Variants in LAMA5 observed in about 807,000 individuals in gnomAD.
LAMA5 encodes laminin subunit alpha-5.
A neutral mutation model predicts 433.4 loss-of-function variants in LAMA5; 260 were observed. The ratio of observed to expected loss-of-function variants is 0.60; its 90% CI spans 0.54 to 0.66. The LOEUF (loss-of-function observed/expected upper bound fraction) is 0.66, where lower values mean the gene tolerates loss of function less well. Among genes scored for constraint, LAMA5 ranks in the 30% least tolerant of loss-of-function variants. The pLI is 0.00. For synonymous variants in LAMA5, 2,620 were observed against 2,226.6 expected, an observed-to-expected ratio of 1.18 and a Z score of -4.97; for missense variants, 5,378 against 5,258.5, an observed-to-expected ratio of 1.02 and a Z score of -0.70.
intron 18 of LAMA5, among the ~76,000 whole-genome samples, chr20:62,335,622 G>A (rs1981445026): frequency 8.5e-6 from 1 of 118,254 alleles, no homozygotes. Flanking sequence ...AATCCCCTGA[G>A]GAACTCCACA....
intron 72 of LAMA5, 32 bp from the exon 73 acceptor site, chr20:62,311,339 C>A: frequency 6.5e-7 from 1 of 1,528,504 alleles, no homozygotes; most frequent in Non-Finnish European, 8.8e-7. Flanking sequence ...GCAGGGGCCG[C>A]CCACACAGGG....
chr20:62,352,974 C>T (rs1984588774), intron 3 of LAMA5, 160 bp downstream of exon 3: 2 of 577,980 alleles, frequency 3.5e-6, no homozygotes, highest in Non-Finnish European at 6.1e-6. Flanking sequence ...GCCAATAAAT[C>T]CCCATGAGCC....
intron 32 of LAMA5, 45 bp from the exon 33 acceptor site, chr20:62,329,298 C>CAGCG (rs1568934189): frequency 6.9e-7 from 1 of 1,454,226 alleles, no homozygotes; most frequent in Admixed American, 1.8e-5. Context: ...CCAGAGCCTG[C>CAGCG]AGCGGGGAGG....
At chr20:62,345,614 C>T (rs972743386) in intron 11 of LAMA5, 15 of 660,346 alleles carry the variant, frequency 2.3e-5, no homozygotes, top group South Asian at 5.0e-5. Context: ...ACCATGTTGC[C>T]TGGGCTAACT....
chr20:62,352,332 G>A lies in LAMA5; in HGVS notation c.597C>T (p.Phe199=), dbSNP rs200278833. 44 of 1,599,468 alleles carry A rather than the reference G, an allele frequency of 2.8e-5. No individual in the cohort carries two copies. The highest frequency in any genetic ancestry group is 3.4e-5 in the Non-Finnish European group (40 of 1,179,646). Residue 199 remains phenylalanine (F), a synonymous_variant, in exon 4 of 80, where the codon TTC becomes TTT. Coordinates refer to ENST00000252999, the MANE Select transcript of LAMA5 (RefSeq NM_005560.6). ...TGATGCGCTCCAGCGTCTGTGGCCC[G>A]AACCGCTCCAGACAGTCCCTCTTGG... ...ASSKRDCLER[F]GPQTLERITR... is the part of the protein sequence containing the mutation.
At chr20:62,330,122 CACCT>C (rs1980081631) in intron 31 of LAMA5, among the ~76,000 whole-genome samples, 1 of 152,240 alleles carries the variant, frequency 6.6e-6, no homozygotes, top group Non-Finnish European at 1.5e-5. Flanking sequence ...TCATGCGGGA[CACCT>C]CTAGGTACCG....
chr20:62,354,862 A>G lies in LAMA5; in HGVS notation c.451-1611T>C, dbSNP rs116086064. On this transcript the variant is annotated intron_variant, in intron 2 of 79. Transcript: ENST00000252999. ...AGCCCCTCCCCAGCCCCTCTCAAAC[A>G]AAGGGGAAAGGGCTCTCCCAGGCAG... Among the ~76,000 whole-genome samples the G allele has an allele frequency of 1.7e-3, 254 of 152,124 alleles. 2 individuals carry two copies. The highest frequency in any genetic ancestry group is 5.8e-3 in the African/African-American group (239 of 41,524).
intron 52 of LAMA5, 62 bp from the exon 53 acceptor site, chr20:62,318,712 C>A: frequency 1.9e-6 from 3 of 1,583,610 alleles, no homozygotes; most frequent in South Asian, 1.1e-5. Flanking sequence ...GACCCCTGGT[C>A]TCCACTTGGT....
chr20:62,343,421 GC>G (rs748493896), intron 11 of LAMA5, among the ~76,000 whole-genome samples: 6 of 152,016 alleles, frequency 3.9e-5, no homozygotes, highest in African/African-American at 7.3e-5. Flanking sequence ...ACGGAAAAAA[GC>G]TCCCCCCCAA....
chr20:62,311,701 CCCTCAGGCTGCGGCTGGAGCTCGGGGGGT>C lies in LAMA5; in HGVS notation c.9690_9718del (p.Pro3231AlafsTer11). ...GCCTCCCAGGAGGAGCCTCGGGGGC[CCCTCAGGCTGCGGCTGGAGCTCGGGGGGT>C]GGTCCCCGGTGGGGCTTCATCTGCT... On this transcript the variant is annotated frameshift_variant, in exon 71 of 80. Transcript: ENST00000252999. LOFTEE classifies it high-confidence loss of function. The C allele has an allele frequency of 6.4e-7, 1 of 1,574,332 alleles. No individual in the cohort carries two copies. The highest frequency in any genetic ancestry group is 8.6e-7 in the Non-Finnish European group (1 of 1,160,982).
rs751851947 is a variant in LAMA5 at position 62,328,439 on chromosome 20, T to A, written c.4454A>T (p.Asp1485Val). ...CTCGTCACAGAGGCGGGCACCGCAG[T>A]CACAGGCTGTGGGGCGGGTACAGGG... Reference protein sequence around the residue: ...YWGFPNCRPCDCGARLCDELT... With the variant: ...YWGFPNCRPCVCGARLCDELT... Residue 1485 changes from aspartate to valine, a missense_variant, in exon 35 of 80, where the codon GAC (aspartate) becomes GTC (valine). Asp to Val is a radical substitution (Grantham distance 152). Transcript: ENST00000252999. 9 of 1,494,874 alleles carry A rather than the reference T, an allele frequency of 6.0e-6. No individual in the cohort carries two copies. Among genetic ancestry groups the A allele is most frequent in the Non-Finnish European group, 8.1e-6 (9 of 1,114,854 alleles). The allele number at this position is 1,494,874 out of a possible 1,614,324, so 92.6% of individuals were successfully genotyped here.
At chr20:62,345,488 C>CCGCA in intron 11 of LAMA5, 1 of 447,836 alleles carries the variant, frequency 2.2e-6, no homozygotes. Context: ...CTCACTGCAG[C>CCGCA]TTCGGCCTTC....
Position 62,322,070 on chromosome 20 carries a change from G to A in LAMA5, c.6445C>T (p.His2149Tyr), listed in dbSNP as rs113432364. The change falls in exon 48 of 80, where the codon CAT (histidine) becomes TAT (tyrosine). Residue 2149 changes from histidine to tyrosine, a missense_variant. By Grantham distance (83) the His-to-Tyr change is moderately conservative. Transcript: ENST00000252999. ...GERCDTCSQQ[H>Y]QVPVPGGPVG... ...GGCCCGCCTGGAACAGGCACCTGAT[G>A]CTGCTGGCTGCAGGTGTCGCAGCGC... The A allele has an allele frequency of 1.1e-5, 17 of 1,600,430 alleles. No homozygotes were observed. Among genetic ancestry groups the A allele is most frequent in the African/African-American group, 8.0e-5 (6 of 74,822 alleles).
Position 62,312,388 on chromosome 20 carries a change from AG to A in LAMA5, c.9360+11del. On this transcript the variant is annotated intron_variant, in intron 68 of 79. Coordinates refer to ENST00000252999, the MANE Select transcript of LAMA5 (RefSeq NM_005560.6). ...CACAGATGCCACCCCCAGCCCGGGG[AG>A]GGCTGCTCACCAGCAGGTCGGCGGT... 2 of 1,599,076 alleles carry A rather than the reference AG, an allele frequency of 1.3e-6. No individual in the cohort carries two copies. Among genetic ancestry groups the A allele is most frequent in the Non-Finnish European group, 1.7e-6 (2 of 1,179,094 alleles).
chr20:62,313,311 G>T lies in LAMA5; in HGVS notation c.8792+16C>A. 1 of 1,545,072 alleles carries T rather than the reference G, an allele frequency of 6.5e-7. No individual in the cohort carries two copies. The highest frequency in any genetic ancestry group is 8.7e-7 in the Non-Finnish European group (1 of 1,144,490). On this transcript the variant is annotated intron_variant, in intron 64 of 79. Transcript: ENST00000252999. ...GGGTGGGGTGGGTGGAGACGGGGAG[G>T]GCAGGCCACACGCACCGGGCACAAG...
At position 62,309,768 on chromosome 20, in the gene LAMA5, C is replaced by T; in HGVS notation, c.10896G>A (p.Leu3632=). 1 of 1,604,292 alleles carries T rather than the reference C, an allele frequency of 6.2e-7. No homozygotes were observed. Among genetic ancestry groups the T allele is most frequent in the South Asian group, 1.1e-5 (1 of 90,190 alleles). Residue 3632 remains leucine, a synonymous_variant, in exon 79 of 80, where the codon TTG becomes TTA. Transcript: ENST00000252999. Reference sequence around the variant, plus strand: ...CTGGGGCACCAGCTGCAGCCGCCAGCAAGGGGCCCACGGTGTGGTTGCTCT... The same window carrying T: ...CTGGGGCACCAGCTGCAGCCGCCAGTAAGGGGCCCACGGTGTGGTTGCTCT... ...DAQSNHTVGP[L]LAAAAGAPAP... is the part of the protein sequence containing the mutation.
chr20:62,317,425 C>A lies in LAMA5; in HGVS notation c.7431G>T (p.Pro2477=), dbSNP rs767814375. ...PLLQRMQTFS[P]AGSKLRLVEA... ...CCACTAGACGCAGCTTGCTGCCCGC[C>A]GGGGAGAAGGTCTGCATCCTCTGCA... Residue 2477 remains proline (P), a synonymous_variant, in exon 55 of 80, where the codon CCG becomes CCT. Transcript: ENST00000252999. 3.1e-6 allele frequency: 5 copies of A among 1,606,044 alleles called. No individual in the cohort carries two copies. The East Asian group carries it at 6.7e-5, about 22-fold the overall frequency.
In LAMA5 at chr20:62,337,866, C is replaced by A. The variant is rs1332510429; in HGVS notation, c.1964G>T (p.Gly655Val). 6.2e-7 allele frequency: 1 copy of A among 1,612,666 alleles called. No individual in the cohort carries two copies. Among genetic ancestry groups the A allele is most frequent in the South Asian group, 1.1e-5 (1 of 91,082 alleles). The change falls in exon 15 of 80, where the codon GGC becomes GTC. Residue 655 changes from glycine to valine, a missense_variant. By Grantham distance (109) the Gly-to-Val change is moderately radical. Transcript: ENST00000252999. ...TTCCTGGCAGGCAGTGCCTGTGTAGCCGGGGCGGCAGCGGCACAAACCTCC... is the reference window on the plus strand; with the variant it reads ...TTCCTGGCAGGCAGTGCCTGTGTAGACGGGGCGGCAGCGGCACAAACCTCC... ...GAGGLCRCRP[G>V]YTGTACQECS...
intron 1 of LAMA5, among the ~76,000 whole-genome samples, chr20:62,366,606 G>A (rs1986755340): frequency 2.6e-5 from 4 of 152,200 alleles, no homozygotes; most frequent in Admixed American, 2.6e-4. Flanking sequence ...GGCAGCAGGC[G>A]GCGGAGGCCA....
Sources: allele counts gnomAD v4.1 joint callset (sites outside exome capture counted in the v4.1 genomes callset), GRCh38; gene constraint gnomAD v4.1.1; transcripts MANE v1.5; gene names NCBI Gene and HGNC (gene_info 2026-07-23, HGNC 2026-07-21).